Variants in MS4A3 observed in about 807,000 individuals in gnomAD.
MS4A3 encodes the protein membrane spanning 4-domains A3, also known as membrane-spanning 4-domains subfamily A member 3.
Under a neutral mutation model 24.7 loss-of-function variants are expected in MS4A3, and 18 were observed. The observed-to-expected ratio is 0.73, with a 90% CI of 0.50 to 1.08. The LOEUF is 1.08. Ranked by LOEUF, MS4A3 falls within the 50% of genes least tolerant of loss-of-function variation. The pLI, the probability that MS4A3 is intolerant of heterozygous loss-of-function variation, is 0.00. For synonymous variants in MS4A3, 84 were observed against 95.3 expected, an observed-to-expected ratio of 0.88 and a Z score of 0.69; for missense variants, 282 against 251.7, an observed-to-expected ratio of 1.12 and a Z score of -0.82.
At chr11:60,057,907 G>A (rs916559310) in intron 1 of MS4A3, among the ~76,000 whole-genome samples, 1 of 152,158 alleles carries the variant, frequency 6.6e-6, no homozygotes, top group African/African-American at 2.4e-5. Flanking sequence ...GCTTGCAGAG[G>A]TATTTTCCAT....
intron 1 of MS4A3, among the ~76,000 whole-genome samples, chr11:60,058,778 A>G (rs1005557669): frequency 6.6e-6 from 1 of 152,166 alleles, no homozygotes; most frequent in Non-Finnish European, 1.5e-5. Flanking sequence ...TCCGTATTGC[A>G]TGCATCTTAG....
At chr11:60,067,321 C>T (rs896971470) in intron 5 of MS4A3, among the ~76,000 whole-genome samples, 1 of 150,268 alleles carries the variant, frequency 6.7e-6, no homozygotes, top group Non-Finnish European at 1.5e-5. Flanking sequence ...TCACAGCATT[C>T]TCCTGCCTCA....
rs116353766 is a variant in MS4A3, at chr11:60,058,944, G to A, written c.-15-2202G>A. 4.8e-3 allele frequency among the ~76,000 whole-genome samples: 728 copies of A among 152,050 alleles called. 8 individuals are homozygous for A. Among genetic ancestry groups the A allele is most frequent in the African/African-American group, 0.016 (682 of 41,444 alleles). On this transcript the variant is annotated intron_variant, in intron 1 of 6. Transcript: ENST00000278865. ...CTTTAAGCTTTATTGATCTTCCCTC[G>A]CTCTTGGGTTCTGTACAGTGTTGAA...
At chr11:60,061,038 GT>G in intron 1 of MS4A3, 107 bp from the exon 2 acceptor site, 1 of 932,498 alleles carries the variant, frequency 1.1e-6, no homozygotes, top group Non-Finnish European at 1.6e-6. Context: ...TTTGTGGAGA[GT>G]CATTGTAATG....
At chr11:60,067,933 T>C (rs1855396457) in intron 5 of MS4A3, among the ~76,000 whole-genome samples, 1 of 151,234 alleles carries the variant, frequency 6.6e-6, no homozygotes, top group African/African-American at 2.4e-5. Context: ...GCGCCTGTAA[T>C]CCCAGCTACT....
chr11:60,061,148 A>G lies in MS4A3; in HGVS notation c.-13A>G. The G allele has an allele frequency of 2.6e-6, 4 of 1,563,334 alleles. No individual in the cohort carries two copies. The highest frequency in any genetic ancestry group is 3.4e-6 in the Non-Finnish European group (4 of 1,160,416). ...TTTGGATTTCTTTTCTATCACAGCC[A>G]TAAACAACCCCAATGGCCTCCCACG... On this transcript the variant is annotated splice_region_variant and 5_prime_UTR_variant, in exon 2 of 7. Coordinates refer to ENST00000278865, the MANE Select transcript of MS4A3 (RefSeq NM_006138.5).
intron 5 of MS4A3, 23 bp from the exon 6 acceptor site, chr11:60,069,551 A>G: frequency 6.5e-7 from 1 of 1,543,354 alleles, no homozygotes; most frequent in Non-Finnish European, 8.9e-7. Flanking sequence ...ACTGGGTTTG[A>G]TATAAGGCAT....
At chr11:60,064,364 T>A (rs1424652394) in intron 4 of MS4A3, 46 bp downstream of exon 4, 1 of 1,413,668 alleles carries the variant, frequency 7.1e-7, no homozygotes, top group Admixed American at 1.8e-5. Flanking sequence ...AGTAGAAATA[T>A]ATTATTCATA....
At position 60,070,438 on chromosome 11, in the gene MS4A3, G is replaced by C; in HGVS notation, c.*205G>C. The C allele has an allele frequency of 2.0e-6, 1 of 504,366 alleles. No homozygotes were observed. Among genetic ancestry groups the C allele is most frequent in the South Asian group, 3.0e-5 (1 of 33,566 alleles). The allele number at this position is 504,366 out of a possible 1,614,324, so 31.2% of individuals were successfully genotyped here. ...TATAAATCCTATTTGTGTGTCGTGG[G>C]TATGGAAGGACAGATATATTTCTTT... is the stretch of plus-strand genomic sequence containing the variant. On this transcript the variant is annotated 3_prime_UTR_variant, in exon 7 of 7. Transcript: ENST00000278865.
Position 60,067,067 on chromosome 11 carries a change from A to T in MS4A3, c.468A>T (p.Ser156=), listed in dbSNP as rs781749929. 10 of 1,613,052 alleles carry T rather than the reference A, an allele frequency of 6.2e-6. No homozygotes were observed. Among genetic ancestry groups the T allele is most frequent in the Non-Finnish European group, 8.5e-6 (10 of 1,179,720 alleles). ...AGTCATTAAGGAGTTGTCACTCTTC[A>T]TCAGAGTCACCGGACCTATGCAATT... ...NIQSLRSCHS[S]SESPDLCNYM... The change falls in exon 5 of 7, where the codon TCA becomes TCT. Residue 156 remains serine, a synonymous_variant. Transcript: ENST00000278865.
At chr11:60,057,123 A>G (rs1271079023) in intron 1 of MS4A3, among the ~76,000 whole-genome samples, 1 of 152,116 alleles carries the variant, frequency 6.6e-6, no homozygotes, top group East Asian at 1.9e-4. Context: ...CTCAGGGGAC[A>G]GTGGAGTGTA....
intron 3 of MS4A3, 167 bp downstream of exon 3, chr11:60,062,772 TTTTAA>T: frequency 2.0e-6 from 1 of 495,256 alleles, no homozygotes; most frequent in Non-Finnish European, 3.2e-6. Flanking sequence ...CTTTTTTATT[TTTTAA>T]TTTAATTAAT....
rs752136947 is a variant in MS4A3, at chr11:60,062,522, T to A, written c.211T>A (p.Ser71Thr). ...TCTGGCTTTGGGTGTCTTTCTGGGT[T>A]CCTTGCAATACCCATACCACTTCCA... ...MILALGVFLG[S>T]LQYPYHFQKH... The change falls in exon 3 of 7, where the codon TCC becomes ACC. Residue 71 changes from serine to threonine, a missense_variant. By Grantham distance (58) the Ser-to-Thr change is moderately conservative. Coordinates refer to ENST00000278865, the MANE Select transcript of MS4A3 (RefSeq NM_006138.5). 1.2e-6 allele frequency: 2 copies of A among 1,614,182 alleles called. No homozygotes were observed. The highest frequency in any genetic ancestry group is 2.2e-5 in the South Asian group (2 of 91,082).
In MS4A3 at chr11:60,064,287, T is replaced by C; in HGVS notation, c.320T>C (p.Val107Ala). 1 of 1,605,228 alleles carries C rather than the reference T, an allele frequency of 6.2e-7. No homozygotes were observed. The highest frequency in any genetic ancestry group is 8.5e-7 in the Non-Finnish European group (1 of 1,175,908). Residue 107 changes from valine to alanine, a missense_variant, in exon 4 of 7, where the codon GTT becomes GCT. Val to Ala is a moderately conservative substitution (Grantham distance 64, BLOSUM62 0). Coordinates refer to ENST00000278865, the MANE Select transcript of MS4A3 (RefSeq NM_006138.5). ...TTCTGTAGTTCAGGAACCTTGTCTGTTGTAGCAGGGATAAAACCCACAAGA... is the reference window on the plus strand; with the variant it reads ...TTCTGTAGTTCAGGAACCTTGTCTGCTGTAGCAGGGATAAAACCCACAAGA... ...VFFCSSGTLSVVAGIKPTRTW... is the reference protein window; with the variant it reads ...VFFCSSGTLSAVAGIKPTRTW...
At chr11:60,059,843 T>C (rs932647375) in intron 1 of MS4A3, among the ~76,000 whole-genome samples, 27 of 152,164 alleles carry the variant, frequency 1.8e-4, no homozygotes, top group African/African-American at 6.0e-4. Flanking sequence ...CAATGAACAT[T>C]CACGTGCATG....
At chr11:60,067,727 A>G (rs959462725) in intron 5 of MS4A3, among the ~76,000 whole-genome samples, 2 of 152,114 alleles carry the variant, frequency 1.3e-5, no homozygotes, top group African/African-American at 2.4e-5. Context: ...AACTACTACT[A>G]TTACACTCCC....
chr11:60,063,874 G>A (rs537455901), intron 3 of MS4A3, among the ~76,000 whole-genome samples: 110 of 152,230 alleles, frequency 7.2e-4, no homozygotes, highest in African/African-American at 2.4e-3. Flanking sequence ...GGGGAAAGGT[G>A]GGAAGGAGGT....
At chr11:60,062,703 G>A (rs1855296644) in intron 3 of MS4A3, 98 bp downstream of exon 3, 1 of 1,344,458 alleles carries the variant, frequency 7.4e-7, no homozygotes, top group South Asian at 1.8e-5. Flanking sequence ...TTATTGGAAG[G>A]TTGCATGCTG....
In MS4A3 at chr11:60,070,359, C is replaced by T. The variant is rs1412753344; in HGVS notation, c.*126C>T. 29 of 723,522 alleles carry T rather than the reference C, an allele frequency of 4.0e-5. No individual in the cohort carries two copies. Among genetic ancestry groups the T allele is most frequent in the Non-Finnish European group, 6.6e-5 (28 of 426,220 alleles). The allele number at this position is 723,522 out of a possible 1,614,324, so 44.8% of individuals were successfully genotyped here. ...GTAAAGCTCAATCCTTCTATCATGGCACCAATCACAAGAACCTTGGACGTT... is the reference window on the plus strand; with the variant it reads ...GTAAAGCTCAATCCTTCTATCATGGTACCAATCACAAGAACCTTGGACGTT... On this transcript the variant is annotated 3_prime_UTR_variant, in exon 7 of 7. Transcript: ENST00000278865.
Sources: gnomAD v4.1 joint callset for allele counts (sites outside exome capture counted in the v4.1 genomes callset) on GRCh38, gnomAD v4.1.1 for gene constraint, MANE v1.5 for transcripts, NCBI Gene and HGNC (gene_info 2026-07-23, HGNC 2026-07-21) for gene names.